The following RHCE variants were observed in gnomAD, a reference collection of about 807,000 sequenced individuals.
RHCE encodes the protein blood group Rh(CE) polypeptide.
A neutral mutation model predicts 43.8 loss-of-function variants in RHCE; 22 were observed. The ratio of observed to expected loss-of-function variants is 0.50; its 90% confidence interval spans 0.36 to 0.72. The LOEUF (loss-of-function observed/expected upper bound fraction) is 0.72, where lower values mean the gene tolerates loss of function less well. Among genes scored for constraint, RHCE ranks in the 30% least tolerant of loss-of-function variants. The pLI is 0.00. For missense variants in RHCE, 385 were observed against 525.4 expected (o/e 0.73, Z 2.61); for synonymous variants, 156 against 210.7 (o/e 0.74, Z 2.25).
In RHCE at chr1:25,394,463, C is replaced by T. The variant is rs193217290; in HGVS notation, c.487-2322G>A. 1.8e-4 allele frequency among the ~76,000 whole-genome samples: 28 copies of T among 152,232 alleles called. No homozygotes were observed. In the East Asian group the frequency reaches 4.6e-3, roughly 25 times the overall value. On this transcript the variant is annotated intron_variant, in intron 3 of 9. Coordinates refer to ENST00000294413, the MANE Select transcript of RHCE (RefSeq NM_020485.8). ...TCACCCCCTTGATGAGATGAAGCTG[C>T]CCCTGGCCACCCCCTCAAACAGTTG...
In RHCE at chr1:25,379,469, ATATATATATATATATATATATATATAT is replaced by A. The variant is rs1300012522; in HGVS notation, c.1074-4068_1074-4042del. Reference sequence around the variant, plus strand: ...CACCAAAGTATATATATATATATATATATATATATATATATATATATATATATTTTTTTTTTTTTTTTTTTTTTTTTT... The same window carrying A: ...CACCAAAGTATATATATATATATATATTTTTTTTTTTTTTTTTTTTTTTTT... On this transcript the variant is annotated intron_variant, in intron 7 of 9. Transcript: ENST00000294413. Among the ~76,000 whole-genome samples the A allele has an allele frequency of 1.6e-3, 10 of 6,194 alleles. No individual in the cohort carries two copies. The East Asian group carries it at 0.033, about 20-fold the overall frequency. 4.1% of individuals were successfully genotyped at this position (6,194 alleles called of 152,430 possible). A position where few individuals can be genotyped will look rare whatever the true frequency, so the allele number is the denominator to read the frequency against.
intron 7 of RHCE, among the ~76,000 whole-genome samples, chr1:25,381,578 T>A (rs1232952324): frequency 6.6e-6 from 1 of 151,772 alleles, no homozygotes; most frequent in African/African-American, 2.4e-5. Flanking sequence ...TGCTTCAGCC[T>A]CCTGAGTAGC....
chr1:25,408,899 G>A (rs766592771), intron 1 of RHCE, 30 bp from the exon 2 acceptor site: 1 of 1,269,262 alleles, frequency 7.9e-7, no homozygotes, highest in Non-Finnish European at 1.1e-6. Flanking sequence ...TGAGAAGGAG[G>A]AGGGGGAAGC....
At chr1:25,419,029 T>A (rs990754721) in intron 1 of RHCE, among the ~76,000 whole-genome samples, 4 of 152,336 alleles carry the variant, frequency 2.6e-5, no homozygotes, top group African/African-American at 9.6e-5. Context: ...GTAAGGAAAC[T>A]AAATCCAGGG....
intron 7 of RHCE, 76 bp downstream of exon 7, chr1:25,385,635 C>G (rs1646130769): frequency 6.2e-7 from 1 of 1,609,592 alleles, no homozygotes; most frequent in South Asian, 1.1e-5. Flanking sequence ...CACGCCCCAG[C>G]TAAGGACTCT....
At position 25,362,354 on chromosome 1, in the gene RHCE, TAAAC is replaced by T. The variant is rs1055405792; in HGVS notation, c.*169_*172del. On this transcript the variant is annotated 3_prime_UTR_variant, in exon 10 of 10. Coordinates refer to ENST00000294413, the MANE Select transcript of RHCE (RefSeq NM_020485.8). Reference sequence around the variant, plus strand: ...ATTTTAAACTTATTAAATTGACTCTTAAACTAAGTTTTTAGTCTTTAATTTTTTA... The same window carrying T: ...ATTTTAAACTTATTAAATTGACTCTTTAAGTTTTTAGTCTTTAATTTTTTA... 17 of 1,445,268 alleles carry T rather than the reference TAAAC, an allele frequency of 1.2e-5. No individual in the cohort carries two copies. The highest frequency in any genetic ancestry group is 1.8e-4 in the Middle Eastern group (1 of 5,652). The allele number at this position is 1,445,268 out of a possible 1,614,324, so 89.5% of individuals were successfully genotyped here. A position where few individuals can be genotyped will look rare whatever the true frequency, so the allele number is the denominator to read the frequency against.
chr1:25,387,709 T>C (rs1646221824), intron 6 of RHCE, among the ~76,000 whole-genome samples: 1 of 152,226 alleles, frequency 6.6e-6, no homozygotes, highest in Admixed American at 6.5e-5. Flanking sequence ...TTGATACGTT[T>C]TTCCTTATTT....
At chr1:25,424,451 A>G (rs2042790226), upstream of RHCE, among the ~76,000 whole-genome samples, 1 of 151,882 alleles carries the variant, frequency 6.6e-6, no homozygotes, top group Non-Finnish European at 1.5e-5. Flanking sequence ...GCAATGGCAC[A>G]ATCTCGGCTC....
At chr1:25,399,201 C>T in intron 3 of RHCE, 2 of 946,552 alleles carry the variant, frequency 2.1e-6, no homozygotes, top group Non-Finnish European at 3.5e-6. Context: ...GAAGCTCTGA[C>T]CTTTTTGACT....
At chr1:25,402,206 G>GTCTGTCTGTCTGTCTATCTA (rs796249762) in intron 3 of RHCE, among the ~76,000 whole-genome samples, 13 of 130,384 alleles carry the variant, frequency 1.0e-4, no homozygotes, top group African/African-American at 3.2e-4. Context: ...CTGTCTGTCT[G>GTCTGTCTGTCTGTCTATCTA]TCTATCTATC....
chr1:25,374,575 TCTCA>T (rs1367851164), intron 8 of RHCE, among the ~76,000 whole-genome samples: 5 of 143,334 alleles, frequency 3.5e-5, no homozygotes, highest in African/African-American at 1.3e-4. Flanking sequence ...TGCTGCTCCT[TCTCA>T]CTCCATTCAC....
chr1:25,399,341 T>C, intron 3 of RHCE: 1 of 753,670 alleles, frequency 1.3e-6, no homozygotes, highest in Non-Finnish European at 2.3e-6. Flanking sequence ...AAGATTATTT[T>C]CAGAATTTAA....
chr1:25,389,448 T>C (rs1168432037), intron 5 of RHCE, among the ~76,000 whole-genome samples: 2 of 152,132 alleles, frequency 1.3e-5, no homozygotes, highest in African/African-American at 4.8e-5. Flanking sequence ...GGTTTTTGTT[T>C]TATTTTTTAG....
chr1:25,400,434 C>T (rs1646702242), intron 3 of RHCE, among the ~76,000 whole-genome samples: 1 of 151,438 alleles, frequency 6.6e-6, no homozygotes, highest in Non-Finnish European at 1.5e-5. Flanking sequence ...TGGGCTTCCT[C>T]CTGCCTCTCC....
chr1:25,401,905 T>C lies in RHCE; in HGVS notation c.486+691A>G, dbSNP rs576662291. Among the ~76,000 whole-genome samples, 402 of 152,198 alleles carry C rather than the reference T, an allele frequency of 2.6e-3. 2 individuals carry two copies. Among genetic ancestry groups the C allele is most frequent in the Non-Finnish European group, 4.1e-3 (281 of 68,004 alleles). On this transcript the variant is annotated intron_variant, in intron 3 of 9. Transcript: ENST00000294413. The stretch of plus-strand genomic sequence containing the variant: ...TTTTTTTTTTATTGGAGATGAAGTC[T>C]TGCTCTTGTCCCCCAGGCTGCAGTG...
intron 3 of RHCE, among the ~76,000 whole-genome samples, chr1:25,397,044 G>A (rs1371862510): frequency 2.8e-5 from 4 of 145,358 alleles, no homozygotes; most frequent in Admixed American, 6.8e-5. Flanking sequence ...TCCAGGAGGC[G>A]GAGGTTGCAG....
intron 9 of RHCE, among the ~76,000 whole-genome samples, chr1:25,368,792 G>A (rs1230717014): frequency 2.0e-5 from 3 of 150,546 alleles, no homozygotes; most frequent in East Asian, 2.0e-4. Context: ...GCAAAGTCTC[G>A]CTCTGTCACC....
chr1:25,390,715 C>T (rs760349342), intron 5 of RHCE, 34 bp downstream of exon 5: 1 of 1,613,948 alleles, frequency 6.2e-7, no homozygotes, highest in Non-Finnish European at 8.5e-7. Context: ...TCCTGTTAGA[C>T]CCAAGTGCTG....
At chr1:25,396,768 A>T (rs1352501196) in intron 3 of RHCE, among the ~76,000 whole-genome samples, 2 of 152,194 alleles carry the variant, frequency 1.3e-5, no homozygotes, top group African/African-American at 4.8e-5. Flanking sequence ...ACACGTGGAG[A>T]TTACAATTCG....
Sources: gnomAD v4.1 joint callset for allele counts (sites outside exome capture counted in the v4.1 genomes callset) on GRCh38, gnomAD v4.1.1 for gene constraint, MANE v1.5 for transcripts, NCBI Gene and HGNC (gene_info 2026-07-23, HGNC 2026-07-21) for gene names.